FRMD4A: variants seen among roughly 807,000 people sequenced by gnomAD.
FRMD4A encodes FERM domain containing 4A, also known as FERM domain-containing protein 4A.
FRMD4A carries 29 observed loss-of-function variants against 129.1 expected under a neutral mutation model. The ratio of observed to expected loss-of-function variants is 0.22; its 90% CI spans 0.17 to 0.31. The LOEUF is 0.31. Ranked by LOEUF, FRMD4A falls within the 10% of genes least tolerant of loss-of-function variation. The pLI, the probability that FRMD4A is intolerant of heterozygous loss-of-function variation, is 1.00. For missense variants in FRMD4A, 1,272 were observed against 1,375.8 expected (o/e 0.92, Z 1.19); for synonymous variants, 634 against 571.6 (o/e 1.11, Z -1.56).
intron 4 of FRMD4A, among the ~76,000 whole-genome samples, chr10:13,797,172 T>C (rs2093138454): frequency 6.6e-6 from 1 of 152,154 alleles, no homozygotes. Flanking sequence ...AGGGAAACAC[T>C]GAAACGAAAA....
At chr10:14,315,893 G>A (rs901176696) in intron 2 of FRMD4A, among the ~76,000 whole-genome samples, 1 of 152,236 alleles carries the variant, frequency 6.6e-6, no homozygotes, top group Non-Finnish European at 1.5e-5. Flanking sequence ...CAGACACTGA[G>A]CTAGGAGCTA....
chr10:13,663,233 C>A (rs1466573469), intron 19 of FRMD4A, among the ~76,000 whole-genome samples: 1 of 151,842 alleles, frequency 6.6e-6, no homozygotes, highest in Non-Finnish European at 1.5e-5. Flanking sequence ...AAGTAAAGCA[C>A]CACTCACTGA....
intron 4 of FRMD4A, among the ~76,000 whole-genome samples, chr10:13,801,312 T>C (rs899343441): frequency 6.6e-6 from 1 of 152,128 alleles, no homozygotes; most frequent in African/African-American, 2.4e-5. Context: ...ACATGGAAGC[T>C]GGAATGACAC....
chr10:14,326,332 T>A (rs1191573177), intron 2 of FRMD4A: 1 of 152,180 alleles, frequency 6.6e-6, no homozygotes, highest in Non-Finnish European at 1.5e-5. Flanking sequence ...GTCCTAGAAG[T>A]CAAATTGTTG....
At chr10:13,972,183 C>A (rs935847651) in intron 2 of FRMD4A, 12 of 1,024,372 alleles carry the variant, frequency 1.2e-5, no homozygotes, top group Admixed American at 5.0e-5. Flanking sequence ...AGACCTCAGA[C>A]CCAGAAGCAC....
At chr10:13,884,968 C>T (rs1192499470) in intron 2 of FRMD4A, among the ~76,000 whole-genome samples, 1 of 152,210 alleles carries the variant, frequency 6.6e-6, no homozygotes, top group African/African-American at 2.4e-5. Context: ...CTTCTACAGC[C>T]AGCTGGCTTC....
intron 14 of FRMD4A, among the ~76,000 whole-genome samples, chr10:13,696,378 T>C (rs1251010883): frequency 6.6e-6 from 1 of 152,186 alleles, no homozygotes; most frequent in African/African-American, 2.4e-5. Context: ...CAAACGGTGA[T>C]GTAACAATAA....
At chr10:14,317,100 A>G (rs753061502) in intron 2 of FRMD4A, among the ~76,000 whole-genome samples, 9 of 152,116 alleles carry the variant, frequency 5.9e-5, no homozygotes, top group African/African-American at 2.2e-4. Flanking sequence ...TTTATTCTCC[A>G]TATCATTTCC....
chr10:13,722,199 T>G (rs1320553198), intron 12 of FRMD4A, among the ~76,000 whole-genome samples: 1 of 151,096 alleles, frequency 6.6e-6, no homozygotes, highest in African/African-American at 2.4e-5. Context: ...ATTGGGTGGT[T>G]GCATGAACTA....
At chr10:13,673,959 G>A (rs2083745572) in intron 16 of FRMD4A, among the ~76,000 whole-genome samples, 1 of 151,368 alleles carries the variant, frequency 6.6e-6, no homozygotes, top group African/African-American at 2.4e-5. Flanking sequence ...GTAGAGACAG[G>A]GTCTCACTAT....
At chr10:13,887,172 T>C (rs1424952009) in intron 2 of FRMD4A, among the ~76,000 whole-genome samples, 1 of 152,196 alleles carries the variant, frequency 6.6e-6, no homozygotes, top group Non-Finnish European at 1.5e-5. Context: ...GGTACATCTG[T>C]AGAGAGGTTT....
intron 15 of FRMD4A, among the ~76,000 whole-genome samples, chr10:13,689,550 T>A (rs1014984375): frequency 2.2e-5 from 1 of 45,884 alleles, no homozygotes; most frequent in Non-Finnish European, 4.8e-5. Flanking sequence ...TAGAAGATTC[T>A]TTTTTTTTTT....
chr10:14,064,575 A>AT (rs1217430257), intron 2 of FRMD4A, among the ~76,000 whole-genome samples: 2 of 151,976 alleles, frequency 1.3e-5, no homozygotes, highest in Non-Finnish European at 2.9e-5. Flanking sequence ...TATTCTGCTT[A>AT]TTTTTTTATT....
At chr10:13,693,804 A>C in intron 15 of FRMD4A, 94 bp downstream of exon 15, 1 of 1,300,932 alleles carries the variant, frequency 7.7e-7, no homozygotes, top group East Asian at 2.4e-5. Flanking sequence ...CTTGCCCTGC[A>C]GTCTCCCCAG....
chr10:14,076,597 G>T (rs1165276120), intron 2 of FRMD4A, among the ~76,000 whole-genome samples: 1 of 151,744 alleles, frequency 6.6e-6, no homozygotes, highest in East Asian at 1.9e-4. Context: ...CTGAGATCAC[G>T]CCACTGCACT....
intron 6 of FRMD4A, among the ~76,000 whole-genome samples, chr10:13,775,311 G>T (rs7098054): frequency 0.014 from 2,090 of 152,292 alleles, 89 homozygotes; most frequent in South Asian, 0.12. Flanking sequence ...AGATCAGAAG[G>T]AGCAAAAAGG....
At chr10:13,758,846 CATAA>C (rs1400882967) in intron 8 of FRMD4A, among the ~76,000 whole-genome samples, 2 of 152,044 alleles carry the variant, frequency 1.3e-5, no homozygotes, top group African/African-American at 2.4e-5. Context: ...TATAATAAAT[CATAA>C]ATAAATTTAT....
chr10:13,849,540 GT>G (rs1334120978), intron 3 of FRMD4A, among the ~76,000 whole-genome samples: 2 of 151,288 alleles, frequency 1.3e-5, no homozygotes, highest in African/African-American at 2.4e-5. Flanking sequence ...GAGTGCAATG[GT>G]GCGATCTTGG....
intron 2 of FRMD4A, among the ~76,000 whole-genome samples, chr10:14,267,669 CA>C (rs1845024418): frequency 6.6e-6 from 1 of 152,166 alleles, no homozygotes; most frequent in Non-Finnish European, 1.5e-5. Flanking sequence ...AGTCTTGGTT[CA>C]AAATGTACAA....
Sources: allele counts gnomAD v4.1 joint callset (sites outside exome capture counted in the v4.1 genomes callset), GRCh38; gene constraint gnomAD v4.1.1; transcripts MANE v1.5; gene names NCBI Gene and HGNC (gene_info 2026-07-23, HGNC 2026-07-21).